Variants in PRRX1 observed in about 807,000 individuals in gnomAD.
The protein encoded by PRRX1 is paired related homeobox 1.
A neutral mutation model predicts 24.0 loss-of-function variants in PRRX1; 8 were observed. The observed-to-expected ratio is 0.33, with a 90% confidence interval of 0.20 to 0.60. PRRX1 has a LOEUF of 0.60. PRRX1 is among the 20% of genes least tolerant of loss of function. The pLI is 0.82. For missense variants in PRRX1, 281 were observed against 322.4 expected (o/e 0.87, Z 0.98); for synonymous variants, 160 against 131.7 (o/e 1.22, Z -1.47).
chr1:170,706,024 T>C (rs1269994135), intron 1 of PRRX1, among the ~76,000 whole-genome samples: 2 of 152,038 alleles, frequency 1.3e-5, no homozygotes, highest in African/African-American at 4.8e-5. Flanking sequence ...TTTTAAAAAC[T>C]CTGGAACTTT....
chr1:170,702,261 C>A (rs1654410849), intron 1 of PRRX1, among the ~76,000 whole-genome samples: 1 of 152,210 alleles, frequency 6.6e-6, no homozygotes, highest in African/African-American at 2.4e-5. Flanking sequence ...CGGACTGTTA[C>A]CGGTCCATGG....
upstream of PRRX1, chr1:170,664,108 C>CTCTCTCTCTCT: frequency 3.1e-6 from 2 of 636,244 alleles, no homozygotes; most frequent in Non-Finnish European, 2.3e-6. Context: ...TCTCTCTCTC[C>CTCTCTCTCTCT]ACTACCCCCC....
At chr1:170,683,085 C>T (rs576825555) in intron 1 of PRRX1, among the ~76,000 whole-genome samples, 46 of 152,302 alleles carry the variant, frequency 3.0e-4, no homozygotes, top group African/African-American at 1.0e-3. Flanking sequence ...CACTGAGGAA[C>T]TGGGCTTATA....
chr1:170,690,170 G>A lies in PRRX1; in HGVS notation c.241+25711G>A, dbSNP rs372230962. ...TTACTGAGCACCTATAATGTCCCAC[G>A]CACTGTAATAAGTATTAGAAATATT... On this transcript the variant is annotated intron_variant, in intron 1 of 3. Transcript: ENST00000239461. 3.3e-3 allele frequency among the ~76,000 whole-genome samples: 504 copies of A among 150,702 alleles called. 3 individuals carry two copies. Among genetic ancestry groups the A allele is most frequent in the African/African-American group, 0.012 (476 of 40,862 alleles).
intron 3 of PRRX1, among the ~76,000 whole-genome samples, chr1:170,734,849 C>A (rs1280410924): frequency 2.6e-5 from 4 of 152,106 alleles, no homozygotes; most frequent in African/African-American, 4.8e-5. Flanking sequence ...CGTGGTGTCC[C>A]AAATAAGTAT....
intron 3 of PRRX1, among the ~76,000 whole-genome samples, chr1:170,730,018 A>G (rs1655378432): frequency 1.3e-5 from 2 of 152,250 alleles, no homozygotes; most frequent in South Asian, 2.1e-4. Flanking sequence ...GCCAAGAAAC[A>G]TTTTCTCAGA....
At chr1:170,704,081 C>T (rs549948778) in intron 1 of PRRX1, among the ~76,000 whole-genome samples, 4 of 152,138 alleles carry the variant, frequency 2.6e-5, no homozygotes, top group African/African-American at 9.6e-5. Context: ...CATTGATTTC[C>T]CCAAGTGTTA....
At chr1:170,704,660 C>T (rs1378437217) in intron 1 of PRRX1, among the ~76,000 whole-genome samples, 4 of 152,196 alleles carry the variant, frequency 2.6e-5, no homozygotes, top group Non-Finnish European at 5.9e-5. Flanking sequence ...AAATGATGAT[C>T]TTGGAGAAAC....
intron 1 of PRRX1, among the ~76,000 whole-genome samples, chr1:170,684,563 G>T (rs372044914): frequency 2.0e-5 from 3 of 152,192 alleles, no homozygotes; most frequent in East Asian, 1.9e-4. Context: ...GACTAGCCTG[G>T]CCAACATGGT....
intron 1 of PRRX1, among the ~76,000 whole-genome samples, chr1:170,686,565 T>C (rs937710642): frequency 2.0e-5 from 3 of 152,076 alleles, no homozygotes; most frequent in African/African-American, 7.2e-5. Flanking sequence ...AGCTGTTTGA[T>C]GAGAACAGAG....
chr1:170,680,757 T>C (rs1653478391), intron 1 of PRRX1, among the ~76,000 whole-genome samples: 1 of 152,210 alleles, frequency 6.6e-6, no homozygotes, highest in Admixed American at 6.5e-5. Context: ...ACCTTCTCAA[T>C]GAGTTTTCCT....
intron 2 of PRRX1, among the ~76,000 whole-genome samples, chr1:170,721,267 A>G (rs1345309954): frequency 1.3e-5 from 2 of 152,238 alleles, no homozygotes; most frequent in African/African-American, 2.4e-5. Flanking sequence ...TAAGGTGGGT[A>G]GGTCCAATCT....
At chr1:170,722,340 A>T (rs571457056) in intron 2 of PRRX1, among the ~76,000 whole-genome samples, 19 of 152,236 alleles carry the variant, frequency 1.2e-4, no homozygotes, top group South Asian at 2.1e-4. Context: ...GCCATGTTTT[A>T]TTCATCTTTG....
chr1:170,710,954 C>A (rs891254522), intron 1 of PRRX1, among the ~76,000 whole-genome samples: 5 of 152,270 alleles, frequency 3.3e-5, no homozygotes, highest in Non-Finnish European at 5.9e-5. Context: ...AAGCCAACAA[C>A]CCATTTTACA....
At chr1:170,697,186 G>A (rs188746971) in intron 1 of PRRX1, among the ~76,000 whole-genome samples, 6 of 152,224 alleles carry the variant, frequency 3.9e-5, no homozygotes, top group East Asian at 1.9e-4. Context: ...AATGGAAAGC[G>A]CAGAGGCCTA....
chr1:170,663,738 A>C (rs1170825691), upstream of PRRX1: 1 of 153,962 alleles, frequency 6.5e-6, no homozygotes, highest in East Asian at 1.9e-4. Context: ...ATTCACTTTG[A>C]TTCTTCTCTC....
At chr1:170,730,546 G>T in intron 3 of PRRX1, 1 of 561,820 alleles carries the variant, frequency 1.8e-6, no homozygotes, top group Non-Finnish European at 3.2e-6. Flanking sequence ...TCTAGAGCAG[G>T]GCTCTTCAGA....
rs749273327 is a variant in PRRX1, at chr1:170,719,883, C to T, written c.399C>T (p.Leu133=). ...AAGACCTTGCCCGCCGGGTGAACCT[C>T]ACCGAGGCGAGAGTGCAGGTAACTC... The part of the protein sequence containing the change: ...VREDLARRVN[L]TEARVQVWFQ... Residue 133 remains leucine, a synonymous_variant, in exon 2 of 4, where the codon CTC becomes CTT. Coordinates refer to ENST00000239461, the MANE Select transcript of PRRX1 (RefSeq NM_022716.4). The T allele has an allele frequency of 3.1e-6, 5 of 1,613,970 alleles. No individual in the cohort carries two copies. The African/African-American group carries it at 6.7e-5, about 22-fold the overall frequency.
At chr1:170,725,297 T>A (rs1315787750) in intron 2 of PRRX1, among the ~76,000 whole-genome samples, 3 of 152,134 alleles carry the variant, frequency 2.0e-5, no homozygotes, top group Non-Finnish European at 4.4e-5. Context: ...TAAAATAAAA[T>A]AAAAATAAAT....
Sources: allele counts gnomAD v4.1 joint callset (sites outside exome capture counted in the v4.1 genomes callset), GRCh38; gene constraint gnomAD v4.1.1; transcripts MANE v1.5; gene names NCBI Gene and HGNC (gene_info 2026-07-23, HGNC 2026-07-21).